AGMO: variants seen among roughly 807,000 people sequenced by gnomAD.
AGMO encodes the protein alkylglycerol monooxygenase, also known as glyceryl-ether monooxygenase.
Under a neutral mutation model 60.2 loss-of-function variants are expected in AGMO, and 75 were observed. The observed-to-expected ratio is 1.25, with a 90% confidence interval of 1.03 to 1.51. The LOEUF is 1.51. AGMO is among the 40% of genes most tolerant of loss of function. The pLI, the probability that AGMO is intolerant of heterozygous loss-of-function variation, is 0.00. For missense variants in AGMO, 763 were observed against 525.5 expected (o/e 1.45, Z -4.42); for synonymous variants, 261 against 177.1 (o/e 1.47, Z -3.76).
intron 2 of AGMO, among the ~76,000 whole-genome samples, chr7:15,545,643 C>T (rs540774952): frequency 1.3e-5 from 2 of 152,032 alleles, no homozygotes; most frequent in Non-Finnish European, 2.9e-5. Flanking sequence ...TTAAAATAAA[C>T]AATTGTTTCT....
At position 15,257,395 on chromosome 7, in the gene AGMO, T is replaced by G. The variant is rs1783129065; in HGVS notation, c.1264-56036A>C. ...TAGAATAAAATTTTGGATTACTTTA[T>G]TGAAATATTAATTCACCTATATTCT... On this transcript the variant is annotated intron_variant, in intron 12 of 12. Coordinates refer to ENST00000342526, the MANE Select transcript of AGMO (RefSeq NM_001004320.2). 2.0e-5 allele frequency among the ~76,000 whole-genome samples: 3 copies of G among 152,194 alleles called. No homozygotes were observed. In the South Asian group the frequency reaches 6.2e-4, roughly 32 times the overall value.
intron 12 of AGMO, among the ~76,000 whole-genome samples, chr7:15,313,201 C>T (rs1780819048): frequency 6.6e-6 from 1 of 152,168 alleles, no homozygotes; most frequent in Non-Finnish European, 1.5e-5. Flanking sequence ...AGGCATGTTT[C>T]TCACTGATCC....
intron 12 of AGMO, among the ~76,000 whole-genome samples, chr7:15,230,524 T>A (rs1203770847): frequency 6.6e-6 from 1 of 152,134 alleles, no homozygotes; most frequent in Non-Finnish European, 1.5e-5. Flanking sequence ...AGAGAGTGTA[T>A]CACAGATTCT....
intron 12 of AGMO, among the ~76,000 whole-genome samples, chr7:15,325,654 GAAAT>G (rs2128541952): frequency 6.6e-6 from 1 of 151,734 alleles, no homozygotes; most frequent in Admixed American, 6.6e-5. Context: ...AACTTTAAAA[GAAAT>G]GTCATGTAAA....
At chr7:15,163,553 C>A in the AGMO span, among the ~76,000 whole-genome samples, 1 of 151,966 alleles carries the variant, frequency 6.6e-6, no homozygotes, top group Non-Finnish European at 1.5e-5. Flanking sequence ...TTATAGAATG[C>A]TTTTTCTGCG....
the AGMO span, among the ~76,000 whole-genome samples, chr7:15,144,489 C>CA: frequency 9.2e-5 from 14 of 152,064 alleles, no homozygotes; most frequent in African/African-American, 3.4e-4. Flanking sequence ...AAAAATAAGT[C>CA]AAAAAAGGTG....
At chr7:15,290,703 C>T (rs1305414239) in intron 12 of AGMO, among the ~76,000 whole-genome samples, 1 of 152,108 alleles carries the variant, frequency 6.6e-6, no homozygotes, top group Non-Finnish European at 1.5e-5. Flanking sequence ...AGATAGGTCA[C>T]ATATACCCAC....
At chr7:15,475,434 C>A (rs937962174) in intron 3 of AGMO, among the ~76,000 whole-genome samples, 1 of 152,024 alleles carries the variant, frequency 6.6e-6, no homozygotes, top group Non-Finnish European at 1.5e-5. Flanking sequence ...AGGAAACTAA[C>A]ACAGGAACAG....
the AGMO span, among the ~76,000 whole-genome samples, chr7:15,144,930 C>A: frequency 1.3e-5 from 2 of 152,144 alleles, no homozygotes; most frequent in Non-Finnish European, 2.9e-5. Context: ...TCCGGGTTCA[C>A]GCCATTCTCC....
In AGMO at chr7:15,485,270, T is replaced by A. The variant is rs539226954; in HGVS notation, c.410-54162A>T. 9.4e-4 allele frequency among the ~76,000 whole-genome samples: 140 copies of A among 149,646 alleles called. 2 individuals are homozygous for A. The highest frequency in any genetic ancestry group is 3.3e-3 in the African/African-American group (132 of 40,484). ...AAGCAGAGGTTGCAGTGAGCCGAGA[T>A]CATGCCATTGCACTCCAGGCTGTGA... is the stretch of plus-strand genomic sequence containing the variant. On this transcript the variant is annotated intron_variant, in intron 3 of 12. Coordinates refer to ENST00000342526, the MANE Select transcript of AGMO (RefSeq NM_001004320.2).
the AGMO span, among the ~76,000 whole-genome samples, chr7:15,170,543 ATATT>A: frequency 3.2e-4 from 48 of 152,166 alleles, no homozygotes; most frequent in African/African-American, 9.6e-4. Flanking sequence ...ACCAAGGCTT[ATATT>A]TATTTTTATT....
At chr7:15,271,729 A>G (rs1252325682) in intron 12 of AGMO, among the ~76,000 whole-genome samples, 2 of 152,048 alleles carry the variant, frequency 1.3e-5, no homozygotes, top group African/African-American at 4.8e-5. Context: ...GAAAGTGGAC[A>G]CTTTTTTCTT....
intron 3 of AGMO, among the ~76,000 whole-genome samples, chr7:15,473,012 T>G (rs747677702): frequency 4.6e-5 from 7 of 151,946 alleles, no homozygotes; most frequent in Non-Finnish European, 8.8e-5. Flanking sequence ...TTCCTCAGTG[T>G]AAAATATCAA....
At chr7:15,258,884 A>G (rs1257380038) in intron 12 of AGMO, among the ~76,000 whole-genome samples, 1 of 152,104 alleles carries the variant, frequency 6.6e-6, no homozygotes, top group Non-Finnish European at 1.5e-5. Flanking sequence ...GGAGAACACC[A>G]CAACAAGGGA....
chr7:15,323,312 A>G (rs1781239605), intron 12 of AGMO, among the ~76,000 whole-genome samples: 1 of 152,078 alleles, frequency 6.6e-6, no homozygotes, highest in Admixed American at 6.6e-5. Context: ...TTTTGTTTGT[A>G]TATTTATATT....
chr7:15,234,652 C>G (rs942253980), intron 12 of AGMO, among the ~76,000 whole-genome samples: 1 of 152,132 alleles, frequency 6.6e-6, no homozygotes, highest in Non-Finnish European at 1.5e-5. Context: ...TCAGGCTTAG[C>G]AGGCCATATG....
rs1784323925 is a variant in AGMO, at chr7:15,531,152, ATATATATTCTATATATATATTC to A, written c.409+13598_409+13619del. On this transcript the variant is annotated intron_variant, in intron 3 of 12. Coordinates refer to ENST00000342526, the MANE Select transcript of AGMO (RefSeq NM_001004320.2). ...TCTGTATATATTCTATATATATTCT[ATATATATTCTATATATATATTC>A]TATATATTCTATATATATTCTATAT... Among the ~76,000 whole-genome samples the A allele has an allele frequency of 2.5e-4, 15 of 59,238 alleles. 4 individuals carry two copies. Among genetic ancestry groups the A allele is most frequent in the African/African-American group, 1.2e-3 (14 of 11,434 alleles). The allele number at this position is 59,238 out of a possible 152,430, so 38.9% of individuals were successfully genotyped here.
At chr7:15,138,690 T>A in the AGMO span, among the ~76,000 whole-genome samples, 1 of 152,152 alleles carries the variant, frequency 6.6e-6, no homozygotes, top group Non-Finnish European at 1.5e-5. Context: ...ACTTACCCGT[T>A]CACAAATAAT....
At chr7:15,440,317 CCA>C (rs1470695226) in intron 3 of AGMO, among the ~76,000 whole-genome samples, 1 of 152,074 alleles carries the variant, frequency 6.6e-6, no homozygotes, top group African/African-American at 2.4e-5. Context: ...TTTCTAAATA[CCA>C]CTCAATCATA....
Sources: allele counts gnomAD v4.1 joint callset (sites outside exome capture counted in the v4.1 genomes callset), GRCh38; gene constraint gnomAD v4.1.1; transcripts MANE v1.5; gene names NCBI Gene and HGNC (gene_info 2026-07-23, HGNC 2026-07-21).